MND1: variants seen among roughly 807,000 people sequenced by gnomAD.
The protein encoded by MND1 is meiotic nuclear divisions 1.
In MND1, 28 loss-of-function variants were observed where a neutral mutation model predicts 35.1. The ratio of observed to expected loss-of-function variants is 0.80; its 90% CI spans 0.59 to 1.09. The LOEUF (loss-of-function observed/expected upper bound fraction) is 1.09. Ranked by LOEUF, MND1 falls within the 50% of genes least tolerant of loss-of-function variation. The probability of loss-of-function intolerance (pLI) is 0.00; values close to 1 mark genes in which losing one functional copy is unlikely to be tolerated. For synonymous variants in MND1, 69 were observed against 70.5 expected (o/e 0.98, Z 0.11); for missense variants, 213 against 239.6 (o/e 0.89, Z 0.73).
At chr4:153,375,502 A>T (rs1198727101) in intron 4 of MND1, among the ~76,000 whole-genome samples, 1 of 152,128 alleles carries the variant, frequency 6.6e-6, no homozygotes, top group Non-Finnish European at 1.5e-5. Flanking sequence ...AAAGCAGATT[A>T]CATTTAGTGG....
At chr4:153,391,810 G>A (rs771794922) in intron 4 of MND1, among the ~76,000 whole-genome samples, 1 of 150,384 alleles carries the variant, frequency 6.6e-6, no homozygotes, top group Non-Finnish European at 1.5e-5. Context: ...ATAATTACTC[G>A]CAAGGAGAGG....
At chr4:153,359,931 G>A (rs1466471863) in intron 4 of MND1, among the ~76,000 whole-genome samples, 1 of 151,888 alleles carries the variant, frequency 6.6e-6, no homozygotes, top group African/African-American at 2.4e-5. Flanking sequence ...GGGGTTACAG[G>A]TGCACACCAC....
chr4:153,384,780 T>G (rs1728808151), intron 4 of MND1, among the ~76,000 whole-genome samples: 1 of 152,178 alleles, frequency 6.6e-6, no homozygotes, highest in African/African-American at 2.4e-5. Flanking sequence ...CCTTTATGTT[T>G]CTTACTTGAT....
intron 4 of MND1, among the ~76,000 whole-genome samples, chr4:153,365,396 A>G (rs1167092312): frequency 6.6e-6 from 1 of 152,194 alleles, no homozygotes; most frequent in Non-Finnish European, 1.5e-5. Context: ...CAAAATAACA[A>G]CAAATTTATT....
intron 1 of MND1, among the ~76,000 whole-genome samples, chr4:153,345,890 A>G (rs552910000): frequency 1.1e-4 from 16 of 152,342 alleles, no homozygotes; most frequent in Non-Finnish European, 8.8e-5. Context: ...TTTTCTCTGC[A>G]GAGTTGCTGG....
In MND1 at chr4:153,397,226, G is replaced by A. The variant is rs751477709; in HGVS notation, c.359G>A (p.Arg120Gln). ...AAACTATCTGGAATGCAGGAAGAGC[G>A]AACCAGGCTAGCAAAAGAGCTTTCT... ...AKIGRCETEE[R>Q]TRLAKELSSL... Residue 120 changes from arginine (R) to glutamine (Q), a missense_variant, in exon 6 of 8, where the codon CGA becomes CAA. Coordinates refer to ENST00000240488, the MANE Select transcript of MND1 (RefSeq NM_032117.4). The A allele has an allele frequency of 4.3e-6, 7 of 1,610,430 alleles. No individual in the cohort carries two copies. Among genetic ancestry groups the A allele is most frequent in the Admixed American group, 3.4e-5 (2 of 59,446 alleles).
chr4:153,391,859 A>G lies in MND1; in HGVS notation c.277-2403A>G, dbSNP rs140586567. On this transcript the variant is annotated intron_variant, in intron 4 of 7. Transcript: ENST00000240488. ...TGGTGGTGTCTGCCTGGCATTATCT[A>G]TAGATCTTGTTCATGCTATGGATTA... Among the ~76,000 whole-genome samples, 26 of 152,108 alleles carry G rather than the reference A, an allele frequency of 1.7e-4. No individual in the cohort carries two copies. In the East Asian group the frequency reaches 4.5e-3, roughly 26 times the overall value.
In MND1 at chr4:153,415,027, A is replaced by G. The variant is rs974352496; in HGVS notation, c.*170A>G. On this transcript the variant is annotated 3_prime_UTR_variant, in exon 8 of 8. Coordinates refer to ENST00000240488, the MANE Select transcript of MND1 (RefSeq NM_032117.4). ...TCTTCACCCCTTTTGGTAGAACAAAAGCAGGATGATAACCATATCCCCCCA... is the reference window on the plus strand; with the variant it reads ...TCTTCACCCCTTTTGGTAGAACAAAGGCAGGATGATAACCATATCCCCCCA... 5.2e-6 allele frequency: 2 copies of G among 381,734 alleles called. No individual in the cohort carries two copies. The highest frequency in any genetic ancestry group is 4.2e-5 in the African/African-American group (2 of 47,852). 23.6% of individuals were successfully genotyped at this position (381,734 alleles called of 1,614,324 possible). A position where few individuals can be genotyped will look rare whatever the true frequency, so the allele number is the denominator to read the frequency against.
At chr4:153,406,220 A>T (rs1729505609) in intron 6 of MND1, among the ~76,000 whole-genome samples, 1 of 152,132 alleles carries the variant, frequency 6.6e-6, no homozygotes, top group South Asian at 2.1e-4. Flanking sequence ...GTTTTGTACA[A>T]TATCAAGAAA....
At chr4:153,370,580 C>T (rs1005369059) in intron 4 of MND1, among the ~76,000 whole-genome samples, 16 of 151,958 alleles carry the variant, frequency 1.1e-4, no homozygotes, top group African/African-American at 3.1e-4. Flanking sequence ...AGTGCAGTGG[C>T]GCGATCCTAG....
At position 153,414,920 on chromosome 4, in the gene MND1, A is replaced by C. The variant is rs1561084683; in HGVS notation, c.*63A>C. ...ATATGTAAATTTTAAACTATTATCT[A>C]ACTAAGTGTACTGAATTGTCGTTTG... On this transcript the variant is annotated 3_prime_UTR_variant, in exon 8 of 8. Coordinates refer to ENST00000240488, the MANE Select transcript of MND1 (RefSeq NM_032117.4). 2.9e-6 allele frequency: 2 copies of C among 677,982 alleles called. No homozygotes were observed. The highest frequency in any genetic ancestry group is 2.4e-6 in the Non-Finnish European group (1 of 409,016). 42.0% of individuals were successfully genotyped at this position (677,982 alleles called of 1,614,324 possible). A position where few individuals can be genotyped will look rare whatever the true frequency, so the allele number is the denominator to read the frequency against.
At chr4:153,385,379 G>A (rs1267365763) in intron 4 of MND1, among the ~76,000 whole-genome samples, 1 of 152,130 alleles carries the variant, frequency 6.6e-6, no homozygotes, top group Non-Finnish European at 1.5e-5. Flanking sequence ...AGGTTTAAGA[G>A]GGGAGATTGA....
chr4:153,344,918 C>T (rs938656433), intron 1 of MND1, among the ~76,000 whole-genome samples, 178 bp downstream of exon 1: 4 of 152,152 alleles, frequency 2.6e-5, no homozygotes, highest in Non-Finnish European at 5.9e-5. Flanking sequence ...GCAGCCACTC[C>T]GCACTCTGCG....
intron 6 of MND1, among the ~76,000 whole-genome samples, chr4:153,407,390 G>A (rs1729544403): frequency 6.6e-6 from 1 of 152,120 alleles, no homozygotes; most frequent in Non-Finnish European, 1.5e-5. Context: ...TTGAACCTGG[G>A]AGGTGGAAGT....
chr4:153,393,951 G>GTTTTTTTTTCTTATT (rs1729126614), intron 4 of MND1, among the ~76,000 whole-genome samples: 1 of 40,778 alleles, frequency 2.5e-5, no homozygotes. Flanking sequence ...TTTTTTTTGA[G>GTTTTTTTTTCTTATT]ATGGGGTCTT....
intron 3 of MND1, among the ~76,000 whole-genome samples, chr4:153,356,016 G>T (rs1407839057): frequency 1.3e-5 from 2 of 152,052 alleles, no homozygotes; most frequent in African/African-American, 4.8e-5. Context: ...TAAAAATCTA[G>T]TTGATAAGCT....
At chr4:153,410,222 G>C (rs1325745422) in intron 7 of MND1, among the ~76,000 whole-genome samples, 1 of 151,636 alleles carries the variant, frequency 6.6e-6, no homozygotes, top group Non-Finnish European at 1.5e-5. Context: ...TCTTAAAAAA[G>C]TTCATGTTTT....
chr4:153,361,633 A>G (rs1325013527), intron 4 of MND1: 1 of 443,798 alleles, frequency 2.3e-6, no homozygotes, highest in Non-Finnish European at 4.5e-6. Flanking sequence ...AGGTCAGGAG[A>G]TCAAGACCAT....
intron 2 of MND1, among the ~76,000 whole-genome samples, chr4:153,355,320 C>A (rs1051465036): frequency 6.6e-6 from 1 of 151,914 alleles, no homozygotes; most frequent in African/African-American, 2.4e-5. Flanking sequence ...TTTTTAAATA[C>A]AATTTTTCAT....
Sources: allele counts gnomAD v4.1 joint callset (sites outside exome capture counted in the v4.1 genomes callset), GRCh38; gene constraint gnomAD v4.1.1; transcripts MANE v1.5; gene names NCBI Gene and HGNC (gene_info 2026-07-23, HGNC 2026-07-21).